DESI1: variants seen among roughly 807,000 people sequenced by gnomAD.
DESI1 encodes the protein PPPDE peptidase domain containing 2.
A neutral mutation model predicts 22.4 loss-of-function variants in DESI1; 17 were observed. The observed-to-expected ratio is 0.76, with a 90% CI of 0.52 to 1.14. The LOEUF is 1.14. Among genes scored for constraint, DESI1 ranks in the 50% most tolerant of loss-of-function variants. The probability of loss-of-function intolerance (pLI) is 0.00; values close to 1 mark genes in which losing one functional copy is unlikely to be tolerated. For missense variants in DESI1, 177 were observed against 208.9 expected, an observed-to-expected ratio of 0.85 and a Z score of 0.94; for synonymous variants, 92 against 84.2, an observed-to-expected ratio of 1.09 and a Z score of -0.51.
chr22:41,617,118 G>A (rs1161730554), intron 1 of DESI1, among the ~76,000 whole-genome samples: 3 of 152,144 alleles, frequency 2.0e-5, no homozygotes, highest in Non-Finnish European at 4.4e-5. Flanking sequence ...ACTTCAGGAA[G>A]GCATCTACTT....
Position 41,620,697 on chromosome 22 carries a change from G to GCC in DESI1, c.88+53_88+54dup. On this transcript the variant is annotated intron_variant, in intron 1 of 5. Transcript: ENST00000263256. ...CCAAGTCTCCCCACCTCGGCCAGCCGCCACCCTCTGGCCTGGCTCCCGCCC... is the reference window on the plus strand; with the variant it reads ...CCAAGTCTCCCCACCTCGGCCAGCCGCCCCACCCTCTGGCCTGGCTCCCGCCC... The GCC allele has an allele frequency of 2.0e-6, 3 of 1,537,296 alleles. No homozygotes were observed. The South Asian group carries it at 3.5e-5, about 18-fold the overall frequency.
chr22:41,618,497 T>C (rs940705689), intron 1 of DESI1, among the ~76,000 whole-genome samples: 9 of 152,234 alleles, frequency 5.9e-5, no homozygotes, highest in Non-Finnish European at 8.8e-5. Flanking sequence ...GATAGCTCCA[T>C]GATGGCAAAG....
chr22:41,601,277 G>T, intron 5 of DESI1, 87 bp from the exon 6 acceptor site: 1 of 1,281,838 alleles, frequency 7.8e-7, no homozygotes, highest in Non-Finnish European at 1.1e-6. Flanking sequence ...GTAGGGAGGA[G>T]GAGTGGGCGC....
intron 5 of DESI1, chr22:41,602,158 C>T (rs2067452970): frequency 4.2e-6 from 4 of 956,370 alleles, no homozygotes; most frequent in Admixed American, 1.2e-4. Context: ...GCTTTTTCTT[C>T]AGTGGATACT....
At chr22:41,606,760 C>T (rs533532078) in intron 3 of DESI1, among the ~76,000 whole-genome samples, 192 of 107,178 alleles carry the variant, frequency 1.8e-3, no homozygotes, top group African/African-American at 7.3e-3. Flanking sequence ...GGCGACGGAG[C>T]GAGACTCCAT....
intron 1 of DESI1, among the ~76,000 whole-genome samples, chr22:41,615,258 T>C: frequency 8.0e-6 from 1 of 125,310 alleles, no homozygotes; most frequent in African/African-American, 3.2e-5. Context: ...TGAAACCCCG[T>C]CTCTACTAAA....
chr22:41,607,037 AT>A (rs1393989054), intron 3 of DESI1, among the ~76,000 whole-genome samples: 1 of 152,096 alleles, frequency 6.6e-6, no homozygotes, highest in Non-Finnish European at 1.5e-5. Flanking sequence ...GAAACAGCTC[AT>A]TTCACCATAA....
Position 41,620,941 on chromosome 22 carries a change from G to C in DESI1, c.-102C>G. On this transcript the variant is annotated 5_prime_UTR_variant, in exon 1 of 6. Transcript: ENST00000263256. ...AGTGCGAAGCGGAGGGAGAGGGGGG[G>C]ACCGAGCCCGGGCCCGGGCTGAGGG... 1 of 1,326,410 alleles carries C rather than the reference G, an allele frequency of 7.5e-7. No homozygotes were observed. The highest frequency in any genetic ancestry group is 1.0e-6 in the Non-Finnish European group (1 of 962,202). The allele number at this position is 1,326,410 out of a possible 1,614,324, so 82.2% of individuals were successfully genotyped here.
At chr22:41,605,571 C>G (rs1569066421) in intron 3 of DESI1, among the ~76,000 whole-genome samples, 2 of 152,200 alleles carry the variant, frequency 1.3e-5, no homozygotes, top group South Asian at 2.1e-4. Flanking sequence ...ACAATTATCT[C>G]AGAGTTGTAA....
intron 1 of DESI1, among the ~76,000 whole-genome samples, chr22:41,617,752 A>G (rs955878922): frequency 1.3e-5 from 2 of 152,264 alleles, no homozygotes; most frequent in Non-Finnish European, 2.9e-5. Context: ...TGATGTGCCC[A>G]ATGAATGGGT....
chr22:41,600,102 C>A lies in DESI1; in HGVS notation c.*995G>T, dbSNP rs2067441539. 1 of 152,016 alleles carries A rather than the reference C, an allele frequency of 6.6e-6. No homozygotes were observed. The highest frequency in any genetic ancestry group is 1.5e-5 in the Non-Finnish European group (1 of 68,018). 9.4% of individuals were successfully genotyped at this position (152,016 alleles called of 1,614,324 possible). On this transcript the variant is annotated 3_prime_UTR_variant, in exon 6 of 6. Coordinates refer to ENST00000263256, the MANE Select transcript of DESI1 (RefSeq NM_015704.3). The stretch of plus-strand genomic sequence containing the variant: ...GCTGAGGCAGGAGAACCACTTGAAC[C>A]CGGGAGGCAGAGGTTTCTGTGAGCC...
At chr22:41,616,165 C>T (rs1331471160) in intron 1 of DESI1, among the ~76,000 whole-genome samples, 1 of 152,128 alleles carries the variant, frequency 6.6e-6, no homozygotes, top group African/African-American at 2.4e-5. Context: ...ACTGCCTGAA[C>T]CCAGGAGGCG....
intron 1 of DESI1, among the ~76,000 whole-genome samples, chr22:41,617,343 G>A (rs999367458): frequency 2.6e-5 from 4 of 152,088 alleles, no homozygotes; most frequent in African/African-American, 9.7e-5. Context: ...GTTGTGGTGA[G>A]GATTATAATG....
At chr22:41,618,567 G>A (rs2067563662) in intron 1 of DESI1, among the ~76,000 whole-genome samples, 1 of 152,150 alleles carries the variant, frequency 6.6e-6, no homozygotes, top group Non-Finnish European at 1.5e-5. Flanking sequence ...GCATAGAGCA[G>A]ACGCTCAATA....
chr22:41,603,478 A>G (rs994150429), intron 4 of DESI1, 97 bp from the exon 5 acceptor site: 6 of 1,552,736 alleles, frequency 3.9e-6, no homozygotes, highest in Admixed American at 1.8e-5. Flanking sequence ...GCACAGCTCA[A>G]TGTGAGGATT....
rs1175230817 is a variant in DESI1 at position 41,599,526 on chromosome 22, C to T, written c.*1571G>A. 2.6e-5 allele frequency: 4 copies of T among 152,116 alleles called. No individual in the cohort carries two copies. The highest frequency in any genetic ancestry group is 7.2e-5 in the African/African-American group (3 of 41,418). The allele number at this position is 152,116 out of a possible 1,614,324, so 9.4% of individuals were successfully genotyped here. A position where few individuals can be genotyped will look rare whatever the true frequency, so the allele number is the denominator to read the frequency against. The stretch of plus-strand genomic sequence containing the variant: ...GATAAGGGAAAGTCCCTATCAGAAA[C>T]GATTCTAAATTTTCTTGCCACCTTG... On this transcript the variant is annotated 3_prime_UTR_variant, in exon 6 of 6. Transcript: ENST00000263256.
At position 41,620,855 on chromosome 22, in the gene DESI1, C is replaced by T; in HGVS notation, c.-16G>A. 1.9e-6 allele frequency: 3 copies of T among 1,597,752 alleles called. No homozygotes were observed. The highest frequency in any genetic ancestry group is 1.1e-5 in the South Asian group (1 of 89,114). On this transcript the variant is annotated 5_prime_UTR_variant, in exon 1 of 6. Coordinates refer to ENST00000263256, the MANE Select transcript of DESI1 (RefSeq NM_015704.3). ...GCGGCTCCATTGGGACCCGTGGCGA[C>T]GGCGGCCACGACGGCCCTCGGGCAC...
At position 41,600,406 on chromosome 22, in the gene DESI1, G is replaced by C. The variant is rs976862842; in HGVS notation, c.*691C>G. On this transcript the variant is annotated 3_prime_UTR_variant, in exon 6 of 6. Transcript: ENST00000263256. Reference sequence around the variant, plus strand: ...GGAAAGGCAGCCTCGGGGGCACAAAGGCAGGTTTCCCAAAATTGATGGCAG... The same window carrying C: ...GGAAAGGCAGCCTCGGGGGCACAAACGCAGGTTTCCCAAAATTGATGGCAG... The C allele has an allele frequency of 6.6e-6, 1 of 152,398 alleles. No individual in the cohort carries two copies. The highest frequency in any genetic ancestry group is 1.5e-5 in the Non-Finnish European group (1 of 68,204). 9.4% of individuals were successfully genotyped at this position (152,398 alleles called of 1,614,324 possible).
At chr22:41,612,779 C>T (rs1462698783) in intron 1 of DESI1, among the ~76,000 whole-genome samples, 1 of 143,882 alleles carries the variant, frequency 7.0e-6, no homozygotes, top group Non-Finnish European at 1.5e-5. Context: ...TTTTTTGAGA[C>T]GGCGTCTCCC....
Sources: gnomAD v4.1 joint callset for allele counts (sites outside exome capture counted in the v4.1 genomes callset) on GRCh38, gnomAD v4.1.1 for gene constraint, MANE v1.5 for transcripts, NCBI Gene and HGNC (gene_info 2026-07-23, HGNC 2026-07-21) for gene names.